Variants in PCDHGB4 observed in about 807,000 individuals in gnomAD.
The protein encoded by PCDHGB4 is protocadherin gamma-B4.
PCDHGB4 carries 38 observed loss-of-function variants against 60.5 expected under a neutral mutation model. The ratio of observed to expected loss-of-function variants is 0.63; its 90% CI spans 0.48 to 0.82. The LOEUF (loss-of-function observed/expected upper bound fraction) is 0.82, where lower values mean the gene tolerates loss of function less well. Among genes scored for constraint, PCDHGB4 ranks in the 40% least tolerant of loss-of-function variants. The pLI, the probability that PCDHGB4 is intolerant of heterozygous loss-of-function variation, is 0.00. For missense variants in PCDHGB4, 1,109 were observed against 1,209.6 expected, an observed-to-expected ratio of 0.92 and a Z score of 1.23; for synonymous variants, 456 against 509.7, an observed-to-expected ratio of 0.89 and a Z score of 1.42.
chr5:141,447,360 A>G (rs1471046883), intron 1 of PCDHGB4, among the ~76,000 whole-genome samples: 1 of 151,914 alleles, frequency 6.6e-6, no homozygotes, highest in Non-Finnish European at 1.5e-5. Context: ...GCTGGTCTCA[A>G]ACTCCTGACC....
chr5:141,426,166 G>A (rs545570121), intron 1 of PCDHGB4: 4 of 155,070 alleles, frequency 2.6e-5, no homozygotes, highest in South Asian at 2.0e-4. Context: ...GATTCCATAC[G>A]GATTGGGGTG....
At chr5:141,424,832 A>G (rs2096843522) in intron 1 of PCDHGB4, among the ~76,000 whole-genome samples, 1 of 152,174 alleles carries the variant, frequency 6.6e-6, no homozygotes. Context: ...TGCCTGACAT[A>G]CATGTTATCT....
At chr5:141,447,649 T>C (rs909020761) in intron 1 of PCDHGB4, among the ~76,000 whole-genome samples, 1 of 152,206 alleles carries the variant, frequency 6.6e-6, no homozygotes, top group Non-Finnish European at 1.5e-5. Context: ...TGGTAGAATT[T>C]TCCCCCCCAG....
rs115982940 is a variant in PCDHGB4, at chr5:141,457,996, G to A, written c.2398-36811G>A. On this transcript the variant is annotated intron_variant, in intron 1 of 3. Transcript: ENST00000519479. ...AACACACCCTTTCAGTTAAAGCCTTGGCAAAATAACCGGTTTTTCCAATTG... is the reference window on the plus strand; with the variant it reads ...AACACACCCTTTCAGTTAAAGCCTTAGCAAAATAACCGGTTTTTCCAATTG... Among the ~76,000 whole-genome samples the A allele has an allele frequency of 2.4e-3, 372 of 152,212 alleles. 2 individuals carry two copies. Among genetic ancestry groups the A allele is most frequent in the African/African-American group, 8.4e-3 (347 of 41,522 alleles).
In PCDHGB4 at chr5:141,389,782, G is replaced by C. The variant is rs768524617; in HGVS notation, c.1898G>C (p.Arg633Thr). 4 of 1,613,192 alleles carry C rather than the reference G, an allele frequency of 2.5e-6. No individual in the cohort carries two copies. In the African/African-American group the frequency reaches 5.3e-5, roughly 22 times the overall value. Residue 633 changes from arginine (R) to threonine (T), a missense_variant, in exon 1 of 4, where the codon AGG (arginine) becomes ACG (threonine). By Grantham distance (71) the Arg-to-Thr change is moderately conservative. This residue lies in a region of PCDHGB4 where 1,068 missense variants were observed against 1,089.9 expected (regional missense o/e 0.98). Transcript: ENST00000519479. ...EVRTARALGD[R>T]DAVRQRLLVA... ...CGCACAGCGCGTGCCTTAGGCGACAGGGACGCCGTCCGCCAGCGCCTTCTG... is the reference window on the plus strand; with the variant it reads ...CGCACAGCGCGTGCCTTAGGCGACACGGACGCCGTCCGCCAGCGCCTTCTG...
chr5:141,450,006 C>CT lies in PCDHGB4; in HGVS notation c.2398-44783dup, dbSNP rs1554136305. ...CACATTGCATTTAGTTGCCATGTCT[C>CT]TTTTTTTTTTTTTTTTTTGAGACAG... On this transcript the variant is annotated intron_variant, in intron 1 of 3. Coordinates refer to ENST00000519479, the MANE Select transcript of PCDHGB4 (RefSeq NM_003736.4). Among the ~76,000 whole-genome samples the CT allele has an allele frequency of 9.8e-3, 1,304 of 132,922 alleles. 21 individuals are homozygous for CT. Among genetic ancestry groups the CT allele is most frequent in the Non-Finnish European group, 0.015 (957 of 62,878 alleles). 87.2% of individuals were successfully genotyped at this position (132,922 alleles called of 152,430 possible).
Position 141,419,336 on chromosome 5 carries a change from G to A in PCDHGB4, c.2397+29055G>A, listed in dbSNP as rs762064534. 6.8e-6 allele frequency: 11 copies of A among 1,613,772 alleles called. No individual in the cohort carries two copies. In the African/African-American group the frequency reaches 1.3e-4, roughly 20 times the overall value. ...CGGCCGTGTCTCCTACTCTCTCATT[G>A]CCAGCGACCTGGAGTCACGAACGCT... On this transcript the variant is annotated intron_variant, in intron 1 of 3. Coordinates refer to ENST00000519479, the MANE Select transcript of PCDHGB4 (RefSeq NM_003736.4).
chr5:141,399,940 C>T lies in PCDHGB4; in HGVS notation c.2397+9659C>T, dbSNP rs374856105. On this transcript the variant is annotated intron_variant, in intron 1 of 3. Transcript: ENST00000519479. Reference sequence around the variant, plus strand: ...CAACGCCTGGCTGTCCTACCACGTGCTGCAGGCTAGCGAGCCCGGGCTCTT... The same window carrying T: ...CAACGCCTGGCTGTCCTACCACGTGTTGCAGGCTAGCGAGCCCGGGCTCTT... 4.8e-4 allele frequency: 772 copies of T among 1,612,360 alleles called. 1 individual carries two copies. In the African/African-American group the frequency reaches 9.6e-3, roughly 20 times the overall value.
At position 141,431,828 on chromosome 5, in the gene PCDHGB4, C is replaced by G. The variant is rs750949066; in HGVS notation, c.2397+41547C>G. ...CCTCACCTCTCTCGCCAGCTCGGTTCCCGAAAACTCTCCCAGAGGGACATT... is the reference window on the plus strand; with the variant it reads ...CCTCACCTCTCTCGCCAGCTCGGTTGCCGAAAACTCTCCCAGAGGGACATT... On this transcript the variant is annotated intron_variant, in intron 1 of 3. Coordinates refer to ENST00000519479, the MANE Select transcript of PCDHGB4 (RefSeq NM_003736.4). This position sits in a 1 kb window ranked among gnomAD's most constrained non-coding sequence, Gnocchi z 4.8. The G allele has an allele frequency of 5.6e-6, 9 of 1,610,208 alleles. No homozygotes were observed. Among genetic ancestry groups the G allele is most frequent in the Non-Finnish European group, 1.7e-6 (2 of 1,176,374 alleles).
chr5:141,396,584 C>T (rs2093399172), intron 1 of PCDHGB4: 1 of 151,318 alleles, frequency 6.6e-6, no homozygotes, highest in Non-Finnish European at 1.5e-5. Flanking sequence ...CCTGTCACTG[C>T]ACTCCAGCCT....
rs140199351 is a variant in PCDHGB4, at chr5:141,465,921, G to C, written c.2398-28886G>C. Among the ~76,000 whole-genome samples, 1,515 of 152,146 alleles carry C rather than the reference G, an allele frequency of 1.0e-2. 24 individuals carry two copies. The highest frequency in any genetic ancestry group is 0.034 in the African/African-American group (1,400 of 41,520). On this transcript the variant is annotated intron_variant, in intron 1 of 3. Transcript: ENST00000519479. ...GCAAATCACGAGGTCAGGATTTCGA[G>C]TCCATCCTGGCTAACATGGTGAAAC...
In PCDHGB4 at chr5:141,490,751, C is replaced by T. The variant is rs2099703884; in HGVS notation, c.2398-4056C>T. 6.2e-6 allele frequency: 10 copies of T among 1,614,092 alleles called. No individual in the cohort carries two copies. The highest frequency in any genetic ancestry group is 1.7e-5 in the Admixed American group (1 of 60,012). ...AATCAGGTTCAGGGAGCCCCAGCCT[C>T]CTCCTTTGTGTATGTCAACCCAGAG... On this transcript the variant is annotated intron_variant, in intron 1 of 3. Coordinates refer to ENST00000519479, the MANE Select transcript of PCDHGB4 (RefSeq NM_003736.4). This position sits in a 1 kb window ranked among gnomAD's most constrained non-coding sequence, Gnocchi z 5.4.
chr5:141,423,225 C>G (rs763729316), intron 1 of PCDHGB4: 3 of 1,613,686 alleles, frequency 1.9e-6, no homozygotes, highest in Admixed American at 1.7e-5. Context: ...TGGCTGTGGC[C>G]GACAGCATCC....
chr5:141,477,191 A>C lies in PCDHGB4; in HGVS notation c.2398-17616A>C. 1 of 1,614,210 alleles carries C rather than the reference A, an allele frequency of 6.2e-7. No individual in the cohort carries two copies. The highest frequency in any genetic ancestry group is 1.1e-5 in the South Asian group (1 of 91,086). ...GGAGATCACAGTCACCTCCGTGTAC[A>C]GCCCAGTACCCGAGGATGCCCCTCT... On this transcript the variant is annotated intron_variant, in intron 1 of 3. Coordinates refer to ENST00000519479, the MANE Select transcript of PCDHGB4 (RefSeq NM_003736.4). This position sits in a 1 kb window ranked among gnomAD's most constrained non-coding sequence, Gnocchi z 4.9.
intron 1 of PCDHGB4, chr5:141,408,785 T>C: frequency 6.2e-7 from 1 of 1,612,308 alleles, no homozygotes; most frequent in Non-Finnish European, 8.5e-7. Context: ...CCCAGAGTTA[T>C]CTCTGGAGAA....
chr5:141,407,425 CTT>C (rs1307911949), intron 1 of PCDHGB4, among the ~76,000 whole-genome samples: 3 of 151,864 alleles, frequency 2.0e-5, no homozygotes, highest in African/African-American at 4.8e-5. Context: ...AAAAATGTCT[CTT>C]GCCCTTAAAA....
At chr5:141,399,655 G>A in intron 1 of PCDHGB4, 2 of 1,613,730 alleles carry the variant, frequency 1.2e-6, no homozygotes, top group South Asian at 1.1e-5. Context: ...AAGTGGGGTG[G>A]TGTTCGCGCA....
intron 1 of PCDHGB4, chr5:141,419,707 C>G (rs781629810): frequency 6.2e-7 from 1 of 1,613,180 alleles, no homozygotes. Flanking sequence ...AGCCCGGGCT[C>G]TTCAGCCTGG....
chr5:141,419,794 T>G, intron 1 of PCDHGB4: 1 of 1,614,048 alleles, frequency 6.2e-7, no homozygotes, highest in Non-Finnish European at 8.5e-7. Flanking sequence ...TGCTAGTCGC[T>G]GTAAGAGATG....
Sources: gnomAD v4.1 joint callset for allele counts (sites outside exome capture counted in the v4.1 genomes callset) on GRCh38, gnomAD v4.1.1 for gene constraint, gnomAD v4.1.1 regional missense constraint, Gnocchi (gnomAD v3.1) non-coding constraint, MANE v1.5 for transcripts, NCBI Gene and HGNC (gene_info 2026-07-23, HGNC 2026-07-21) for gene names.